Variants in RIC3 observed in about 807,000 individuals in gnomAD.
RIC3 encodes the protein RIC3 acetylcholine receptor chaperone, also known as protein RIC-3.
A neutral mutation model predicts 27.3 loss-of-function variants in RIC3; 28 were observed. The ratio of observed to expected loss-of-function variants is 1.02; its 90% CI spans 0.76 to 1.41. The LOEUF is 1.41. Among genes scored for constraint, RIC3 ranks in the 40% most tolerant of loss-of-function variants. The pLI is 0.00. For synonymous variants in RIC3, 184 were observed against 160.4 expected (o/e 1.15, Z -1.11); for missense variants, 501 against 444.7 (o/e 1.13, Z -1.14).
Position 8,139,952 on chromosome 11 carries a change from G to A in RIC3, c.351+15C>T, listed in dbSNP as rs747576940. ...ATTTTCATTGATGTAATATGATTAGGATGATTCTACTTACCTTAAATAGAA... is the reference window on the plus strand; with the variant it reads ...ATTTTCATTGATGTAATATGATTAGAATGATTCTACTTACCTTAAATAGAA... On this transcript the variant is annotated intron_variant, in intron 2 of 5. Coordinates refer to ENST00000309737, the MANE Select transcript of RIC3 (RefSeq NM_001206671.4). 2 of 1,598,948 alleles carry A rather than the reference G, an allele frequency of 1.3e-6. No individual in the cohort carries two copies. Among genetic ancestry groups the A allele is most frequent in the South Asian group, 2.2e-5 (2 of 90,506 alleles).
intron 4 of RIC3, among the ~76,000 whole-genome samples, chr11:8,131,203 G>C (rs1307395623): frequency 6.6e-6 from 1 of 152,136 alleles, no homozygotes; most frequent in Admixed American, 6.5e-5. Context: ...AAGCTCTACA[G>C]CTAAGAAGGA....
At chr11:8,127,282 T>C (rs1295507469) in intron 4 of RIC3, among the ~76,000 whole-genome samples, 2 of 152,198 alleles carry the variant, frequency 1.3e-5, no homozygotes, top group Non-Finnish European at 2.9e-5. Flanking sequence ...CAGGCTTAAT[T>C]TACGTGTGCA....
chr11:8,141,810 G>C (rs1407586333), intron 1 of RIC3, among the ~76,000 whole-genome samples: 1 of 152,044 alleles, frequency 6.6e-6, no homozygotes, highest in Non-Finnish European at 1.5e-5. Context: ...TAAAAGAACA[G>C]AGATTATAAC....
At chr11:8,099,287 A>G in the RIC3 span, among the ~76,000 whole-genome samples, 5 of 152,284 alleles carry the variant, frequency 3.3e-5, no homozygotes, top group East Asian at 9.6e-4. Flanking sequence ...TTCTTTATAG[A>G]TGAGGAAACT....
chr11:8,115,420 C>CCA (rs1945734789), intron 5 of RIC3, among the ~76,000 whole-genome samples: 1 of 152,018 alleles, frequency 6.6e-6, no homozygotes. Flanking sequence ...GAGCTTATCC[C>CCA]CACAAGATCT....
chr11:8,096,638 C>G, the RIC3 span: 1,298,049 of 1,311,278 alleles, frequency 0.99, 642,908 homozygotes, highest in East Asian at 1. Context: ...TCAGGGGCAG[C>G]GTAGACTTCT....
chr11:8,110,696 T>A lies in RIC3; in HGVS notation c.*2A>T, dbSNP rs1432998674. ...GTAATGGATACTTCAGACTGGCTGT[T>A]TTCACTCTAAACCCTGGGGGTTACG... On this transcript the variant is annotated 3_prime_UTR_variant, in exon 6 of 6. Transcript: ENST00000309737. The A allele has an allele frequency of 1.9e-6, 3 of 1,613,968 alleles. No homozygotes were observed. Among genetic ancestry groups the A allele is most frequent in the South Asian group, 1.1e-5 (1 of 91,074 alleles).
chr11:8,101,986 T>C, downstream of RIC3: 1 of 250,566 alleles, frequency 4.0e-6, no homozygotes, highest in South Asian at 9.1e-5. Context: ...ACTGCAGGGC[T>C]GCTGTGGCCC....
intron 5 of RIC3, among the ~76,000 whole-genome samples, chr11:8,118,363 ATAGT>A (rs376644851): frequency 8.2e-4 from 124 of 151,960 alleles, no homozygotes; most frequent in African/African-American, 2.1e-3. Context: ...CTCTAATAAA[ATAGT>A]TAGTGCAGGA....
At chr11:8,143,211 T>A (rs1442713466) in intron 1 of RIC3, among the ~76,000 whole-genome samples, 2 of 150,772 alleles carry the variant, frequency 1.3e-5, no homozygotes, top group African/African-American at 2.4e-5. Context: ...TAAAGGGTAT[T>A]CAATTAGGAA....
chr11:8,096,761 T>C, the RIC3 span: 48 of 1,614,102 alleles, frequency 3.0e-5, no homozygotes, highest in South Asian at 4.9e-4. Flanking sequence ...CCCAGCTAAA[T>C]AGTAACACCC....
intron 5 of RIC3, among the ~76,000 whole-genome samples, chr11:8,121,110 T>A (rs1040744138): frequency 1.3e-5 from 2 of 152,180 alleles, no homozygotes; most frequent in African/African-American, 4.8e-5. Context: ...TAAGTATTGA[T>A]AATGTGGCCT....
Position 8,110,669 on chromosome 11 carries a change from G to C in RIC3, c.*29C>G. ...GGAGAGAGAGGTCACCTTGGGACTT[G>C]AGTAATGGATACTTCAGACTGGCTG... On this transcript the variant is annotated 3_prime_UTR_variant, in exon 6 of 6. Transcript: ENST00000309737. 3.1e-6 allele frequency: 5 copies of C among 1,599,686 alleles called. No individual in the cohort carries two copies. The highest frequency in any genetic ancestry group is 3.4e-6 in the Non-Finnish European group (4 of 1,167,226).
chr11:8,167,026 T>C (rs539996994), intron 1 of RIC3, among the ~76,000 whole-genome samples: 1 of 152,328 alleles, frequency 6.6e-6, no homozygotes. Flanking sequence ...GTTAAGATTT[T>C]TTGCTGCAAG....
intron 4 of RIC3, among the ~76,000 whole-genome samples, chr11:8,133,399 G>A (rs938701197): frequency 6.6e-6 from 1 of 152,182 alleles, no homozygotes; most frequent in Non-Finnish European, 1.5e-5. Context: ...GTCCCATAGG[G>A]CCTACCTGTA....
the RIC3 span, chr11:8,097,504 C>A: frequency 1.3e-6 from 2 of 1,582,358 alleles, no homozygotes; most frequent in Admixed American, 1.7e-5. Flanking sequence ...GACTGGAAGT[C>A]TCATATCTAC....
the RIC3 span, chr11:8,100,761 T>C: frequency 3.8e-6 from 6 of 1,595,054 alleles, no homozygotes; most frequent in Admixed American, 1.7e-5. Context: ...CCGGGATAGA[T>C]CCCTTTCTGG....
chr11:8,115,419 C>G (rs956269714), intron 5 of RIC3, among the ~76,000 whole-genome samples: 2 of 151,966 alleles, frequency 1.3e-5, no homozygotes, highest in African/African-American at 4.8e-5. Context: ...GGAGCTTATC[C>G]CCACAAGATC....
chr11:8,166,371 G>A (rs1282572097), intron 1 of RIC3, among the ~76,000 whole-genome samples: 1 of 152,146 alleles, frequency 6.6e-6, no homozygotes, highest in East Asian at 1.9e-4. Flanking sequence ...TATCTTAAAG[G>A]CTTTCATGTG....
Sources: gnomAD v4.1 joint callset for allele counts (sites outside exome capture counted in the v4.1 genomes callset) on GRCh38, gnomAD v4.1.1 for gene constraint, MANE v1.5 for transcripts, NCBI Gene and HGNC (gene_info 2026-07-23, HGNC 2026-07-21) for gene names.